The following XKR6 variants were observed in gnomAD, a reference collection of about 807,000 sequenced individuals.
The protein encoded by XKR6 is XK related 6.
In XKR6, 22 loss-of-function variants were observed where a neutral mutation model predicts 56.7. The observed-to-expected ratio is 0.39, with a 90% CI of 0.28 to 0.55. The LOEUF (loss-of-function observed/expected upper bound fraction) is 0.55, where lower values mean the gene tolerates loss of function less well. Among genes scored for constraint, XKR6 ranks in the 20% least tolerant of loss-of-function variants. The probability of loss-of-function intolerance (pLI) is 0.66; values close to 1 mark genes in which losing one functional copy is unlikely to be tolerated. For missense variants in XKR6, 852 were observed against 889.0 expected, an observed-to-expected ratio of 0.96 and a Z score of 0.53; for synonymous variants, 524 against 387.8, an observed-to-expected ratio of 1.35 and a Z score of -4.13.
At chr8:11,027,092 C>T (rs996982449) in intron 1 of XKR6, among the ~76,000 whole-genome samples, 1 of 152,216 alleles carries the variant, frequency 6.6e-6, no homozygotes, top group Admixed American at 6.5e-5. Context: ...CACACCTAGG[C>T]TATACGGCAT....
In XKR6 at chr8:10,981,834, G is replaced by A. The variant is rs138296269; in HGVS notation, c.765-57004C>T. Among the ~76,000 whole-genome samples the A allele has an allele frequency of 4.2e-3, 645 of 152,314 alleles. 7 individuals are homozygous for A. Among genetic ancestry groups the A allele is most frequent in the African/African-American group, 0.014 (596 of 41,576 alleles). ...GGAGGTGCCACCATTTTGTGGTTAA[G>A]TAGAGATGTCAAAGTGATGGCTGAT... On this transcript the variant is annotated intron_variant, in intron 1 of 2. Transcript: ENST00000416569.
At chr8:10,959,138 T>C (rs1408507810) in intron 1 of XKR6, among the ~76,000 whole-genome samples, 3 of 152,210 alleles carry the variant, frequency 2.0e-5, no homozygotes, top group African/African-American at 4.8e-5. Context: ...CATGCACAGA[T>C]AATGACAGTT....
At chr8:11,110,159 G>A (rs986133192) in intron 1 of XKR6, among the ~76,000 whole-genome samples, 1 of 152,100 alleles carries the variant, frequency 6.6e-6, no homozygotes. Flanking sequence ...TTTTAGTAGA[G>A]ATGGGGTTTT....
At chr8:10,908,115 T>C (rs1459267914) in intron 2 of XKR6, among the ~76,000 whole-genome samples, 1 of 152,224 alleles carries the variant, frequency 6.6e-6, no homozygotes, top group East Asian at 1.9e-4. Flanking sequence ...AGACTTGCTC[T>C]GGCCAGGCAC....
intron 1 of XKR6, among the ~76,000 whole-genome samples, chr8:11,019,394 G>A (rs530176093): frequency 4.6e-5 from 7 of 152,338 alleles, no homozygotes; most frequent in East Asian, 1.9e-4. Flanking sequence ...TGAACCCTTC[G>A]CCTCTGGACT....
intron 1 of XKR6, among the ~76,000 whole-genome samples, chr8:11,110,725 C>T (rs191879016): frequency 6.6e-6 from 1 of 152,304 alleles, no homozygotes; most frequent in African/African-American, 2.4e-5. Context: ...TTCTGACTTT[C>T]CTATCAAATA....
intron 1 of XKR6, among the ~76,000 whole-genome samples, chr8:11,179,041 G>C (rs1393629861): frequency 3.4e-5 from 3 of 87,256 alleles, no homozygotes; most frequent in African/African-American, 1.3e-4. Flanking sequence ...TTTTTTTTTG[G>C]AGAGCTAGGG....
At chr8:11,095,448 A>G (rs547713674) in intron 1 of XKR6, among the ~76,000 whole-genome samples, 2 of 152,238 alleles carry the variant, frequency 1.3e-5, no homozygotes, top group African/African-American at 4.8e-5. Context: ...ATCACATGCC[A>G]GTCAAATAGG....
intron 1 of XKR6, among the ~76,000 whole-genome samples, chr8:11,143,227 T>C (rs1330100351): frequency 6.6e-6 from 1 of 152,134 alleles, no homozygotes; most frequent in Non-Finnish European, 1.5e-5. Context: ...ACGATACACA[T>C]TCTGATAAAA....
At chr8:11,086,148 A>ATATATATATATATATATATATATTTTT (rs71203369) in intron 1 of XKR6, among the ~76,000 whole-genome samples, 4 of 120,722 alleles carry the variant, frequency 3.3e-5, no homozygotes, top group African/African-American at 1.6e-4. Flanking sequence ...ATATATATAT[A>ATATATATATATATATATATATATTTTT]TTTTTTTTTA....
At chr8:11,103,619 G>A (rs142323744) in intron 1 of XKR6, among the ~76,000 whole-genome samples, 4 of 152,246 alleles carry the variant, frequency 2.6e-5, no homozygotes, top group African/African-American at 9.6e-5. Flanking sequence ...CATTCAAGTA[G>A]TAAAGAAAAT....
chr8:10,960,266 G>A (rs537208977), intron 1 of XKR6, among the ~76,000 whole-genome samples: 58 of 150,936 alleles, frequency 3.8e-4, no homozygotes, highest in African/African-American at 1.3e-3. Context: ...TATAGCAGGT[G>A]GGTGCAGGTA....
At position 10,924,680 on chromosome 8, in the gene XKR6, T is replaced by C; in HGVS notation, c.915A>G (p.Leu305=). ...TFLESAPQLV[L]QLYIMLQKNS... The stretch of plus-strand genomic sequence containing the variant: ...TCTTCTGGAGCATGATGTAGAGCTG[T>C]AGCACCAGTTGGGGCGCGCTCTCCA... Residue 305 remains leucine, a synonymous_variant, in exon 2 of 3, where the codon CTA becomes CTG. Coordinates refer to ENST00000416569, the MANE Select transcript of XKR6 (RefSeq NM_173683.4). The C allele has an allele frequency of 1.9e-6, 3 of 1,613,052 alleles. No homozygotes were observed. Among genetic ancestry groups the C allele is most frequent in the Non-Finnish European group, 2.5e-6 (3 of 1,179,926 alleles).
chr8:10,915,201 G>T (rs759801064), intron 2 of XKR6, among the ~76,000 whole-genome samples: 2 of 152,230 alleles, frequency 1.3e-5, no homozygotes, highest in African/African-American at 4.8e-5. Context: ...CAAGGGCAGG[G>T]TTTTCTGTTT....
rs79091288 is a variant in XKR6, at chr8:10,929,279, A to C, written c.765-4449T>G. ...ACATATTACCTCATTTAATCCTCAC[A>C]ACACCCCTATGAGGTAGCTGCAATA... On this transcript the variant is annotated intron_variant, in intron 1 of 2. Transcript: ENST00000416569. Among the ~76,000 whole-genome samples the C allele has an allele frequency of 3.7e-3, 569 of 152,352 alleles. 1 individual carries two copies. Among genetic ancestry groups the C allele is most frequent in the South Asian group, 0.018 (87 of 4,830 alleles).
intron 1 of XKR6, among the ~76,000 whole-genome samples, chr8:10,944,785 C>G (rs1801486941): frequency 6.6e-6 from 1 of 152,144 alleles, no homozygotes; most frequent in Non-Finnish European, 1.5e-5. Flanking sequence ...GGTGGGGGCC[C>G]AGCTGCCAAC....
intron 2 of XKR6, among the ~76,000 whole-genome samples, chr8:10,907,722 C>A (rs1006145417): frequency 2.0e-5 from 3 of 152,222 alleles, no homozygotes; most frequent in African/African-American, 7.2e-5. Context: ...GAGGCTTATA[C>A]ATCAGTTTCT....
chr8:10,952,127 C>T (rs1197488986), intron 1 of XKR6, among the ~76,000 whole-genome samples: 3 of 152,122 alleles, frequency 2.0e-5, no homozygotes, highest in African/African-American at 7.2e-5. Context: ...TTTTCAAAGC[C>T]CCCATCCCCA....
intron 1 of XKR6, among the ~76,000 whole-genome samples, chr8:10,944,097 T>C (rs1172858135): frequency 6.6e-6 from 1 of 152,060 alleles, no homozygotes. Flanking sequence ...GGGGCATCCA[T>C]ATACCCAGCG....
Sources: allele counts gnomAD v4.1 joint callset (sites outside exome capture counted in the v4.1 genomes callset), GRCh38; gene constraint gnomAD v4.1.1; transcripts MANE v1.5; gene names NCBI Gene and HGNC (gene_info 2026-07-23, HGNC 2026-07-21).